The following PDZD7 variants were observed in gnomAD, a reference collection of about 807,000 sequenced individuals.
PDZD7 encodes PDZ domain-containing protein 7.
Under a neutral mutation model 84.7 loss-of-function variants are expected in PDZD7, and 72 were observed. That is an observed-to-expected ratio of 0.85 (90% CI 0.70 to 1.03). PDZD7 has a LOEUF of 1.03. Ranked by LOEUF, PDZD7 falls within the 50% of genes least tolerant of loss-of-function variation. The pLI, the probability that PDZD7 is intolerant of heterozygous loss-of-function variation, is 0.00. For synonymous variants in PDZD7, 594 were observed against 580.7 expected, an observed-to-expected ratio of 1.02 and a Z score of -0.33; for missense variants, 1,490 against 1,412.9, an observed-to-expected ratio of 1.05 and a Z score of -0.87.
chr10:101,017,460 C>T, intron 9 of PDZD7: 1 of 557,224 alleles, frequency 1.8e-6, no homozygotes, highest in Admixed American at 2.7e-5. Flanking sequence ...CTCCTGGGCT[C>T]AAGTGATCTT....
At chr10:101,024,163 C>G in intron 2 of PDZD7, 95 bp from the exon 3 acceptor site, 1 of 1,584,424 alleles carries the variant, frequency 6.3e-7, no homozygotes, top group Admixed American at 1.7e-5. Flanking sequence ...GGCTAGGTTG[C>G]TGGGCACAGT....
rs948024534 is a variant in PDZD7, at chr10:101,030,280, C to A, written c.-61G>T. ...AAGGAATCTGCTAGCTCTGGAGAGG[C>A]CAGCCCTGCGTGCTTCGAGCTCCAT... On this transcript the variant is annotated 5_prime_UTR_variant, in exon 2 of 17. Transcript: ENST00000619208. 5 of 1,443,918 alleles carry A rather than the reference C, an allele frequency of 3.5e-6. No homozygotes were observed. Among genetic ancestry groups the A allele is most frequent in the Non-Finnish European group, 4.7e-6 (5 of 1,058,758 alleles). 89.4% of individuals were successfully genotyped at this position (1,443,918 alleles called of 1,614,324 possible).
Position 101,015,625 on chromosome 10 carries a change from T to C in PDZD7, c.1749+11A>G. The C allele has an allele frequency of 1.9e-6, 3 of 1,549,638 alleles. No individual in the cohort carries two copies. The highest frequency in any genetic ancestry group is 2.6e-6 in the Non-Finnish European group (3 of 1,146,346). On this transcript the variant is annotated intron_variant, in intron 11 of 16. Transcript: ENST00000619208. ...CCGTGTGCCAGGGCTGCGGATGGGATGAAGGCTTACCCGGGAGCAGTGGCG... is the reference window on the plus strand; with the variant it reads ...CCGTGTGCCAGGGCTGCGGATGGGACGAAGGCTTACCCGGGAGCAGTGGCG...
chr10:101,008,851 C>G lies in PDZD7; in HGVS notation c.2719-1G>C, dbSNP rs1201751414. On this transcript the variant is annotated splice_acceptor_variant, in intron 16 of 16. Transcript: ENST00000619208. LOFTEE classifies it high-confidence loss of function. ...CCACTGCCACAAGCTCGAAGCCAGC[C>G]TAGGGTGGGGTGAGAGAGTCACATC... is the stretch of plus-strand genomic sequence containing the variant. 6.7e-7 allele frequency: 1 copy of G among 1,489,120 alleles called. No individual in the cohort carries two copies. The highest frequency in any genetic ancestry group is 2.5e-5 in the East Asian group (1 of 40,388). 92.2% of individuals were successfully genotyped at this position (1,489,120 alleles called of 1,614,324 possible).
intron 11 of PDZD7, 111 bp from the exon 12 acceptor site, chr10:101,012,369 C>T (rs1400239932): frequency 1.1e-5 from 10 of 925,046 alleles, no homozygotes; most frequent in Middle Eastern, 2.2e-4. Context: ...ACCTATCCAG[C>T]CCTGCGTGCC....
intron 9 of PDZD7, 120 bp downstream of exon 9, chr10:101,017,979 T>C: frequency 1.7e-6 from 2 of 1,162,978 alleles, no homozygotes; most frequent in Non-Finnish European, 2.6e-6. Context: ...ACTGAGGCTC[T>C]CAGGGGTTGA....
rs758260327 is a variant in PDZD7 at position 101,011,914 on chromosome 10, C to T, written c.1933+11G>A. The stretch of plus-strand genomic sequence containing the variant: ...GCTCAGGACCCAGAAGCCCCGCCCC[C>T]CACTGCTGACCTGCCCTGCTCTTGA... On this transcript the variant is annotated intron_variant, in intron 13 of 16. Coordinates refer to ENST00000619208, the MANE Select transcript of PDZD7 (RefSeq NM_001195263.2). 4.5e-6 allele frequency: 7 copies of T among 1,549,814 alleles called. No homozygotes were observed. The highest frequency in any genetic ancestry group is 6.1e-6 in the Non-Finnish European group (7 of 1,146,940).
chr10:101,009,179 A>G (rs1037835612), intron 16 of PDZD7, 71 bp downstream of exon 16: 4 of 1,353,710 alleles, frequency 3.0e-6, no homozygotes, highest in East Asian at 5.0e-5. Flanking sequence ...GAAGCTGAGC[A>G]TGGCCAGCCC....
intron 7 of PDZD7, 140 bp from the exon 8 acceptor site, chr10:101,019,357 C>G: frequency 9.2e-7 from 1 of 1,088,012 alleles, no homozygotes; most frequent in Non-Finnish European, 1.3e-6. Flanking sequence ...GAGGAACCCG[C>G]TGCTCCGAAA....
intron 6 of PDZD7, 96 bp downstream of exon 6, chr10:101,021,702 G>T (rs1853107794): frequency 6.4e-7 from 1 of 1,559,170 alleles, no homozygotes. Context: ...GTGGCTGTGG[G>T]AACGTCATAA....
chr10:101,020,749 GT>G, intron 6 of PDZD7, 71 bp from the exon 7 acceptor site: 1 of 1,111,180 alleles, frequency 9.0e-7, no homozygotes, highest in Non-Finnish European at 1.4e-6. Context: ...TGGGGCGGGG[GT>G]GACAGGATGG....
chr10:101,029,905 A>G, intron 2 of PDZD7, 89 bp downstream of exon 2: 2 of 1,366,646 alleles, frequency 1.5e-6, no homozygotes, highest in Non-Finnish European at 2.0e-6. Context: ...TCCCCCAATC[A>G]TACTGGCTCT....
intron 2 of PDZD7, among the ~76,000 whole-genome samples, chr10:101,026,676 C>A (rs1018572194): frequency 7.0e-6 from 1 of 142,318 alleles, no homozygotes; most frequent in African/African-American, 2.6e-5. Context: ...CACACACACA[C>A]ACACACACAC....
At chr10:101,025,354 C>T (rs1263534589) in intron 2 of PDZD7, among the ~76,000 whole-genome samples, 10 of 151,848 alleles carry the variant, frequency 6.6e-5, no homozygotes, top group African/African-American at 9.7e-5. Flanking sequence ...GGATTACAGG[C>T]GTGTGCCACC....
rs1328996490 is a variant in PDZD7 at position 101,010,434 on chromosome 10, T to C, written c.2455A>G (p.Arg819Gly). 67 of 1,535,990 alleles carry C rather than the reference T, an allele frequency of 4.4e-5. No individual in the cohort carries two copies. The highest frequency in any genetic ancestry group is 5.8e-5 in the Non-Finnish European group (66 of 1,146,904). Residue 819 changes from arginine to glycine, a missense_variant, in exon 15 of 17, where the codon AGA becomes GGA. Coordinates refer to ENST00000619208, the MANE Select transcript of PDZD7 (RefSeq NM_001195263.2). Reference sequence around the variant, plus strand: ...TCCAGAGGTCGTGGCAGAGGGGGTCTGGCCTTCCGAGGCTTGTGGTAGCGC... The same window carrying C: ...TCCAGAGGTCGTGGCAGAGGGGGTCCGGCCTTCCGAGGCTTGTGGTAGCGC... ...NGRYHKPRKA[R>G]PPLPRPLDGE...
rs894172029 is a variant in PDZD7 at position 101,012,028 on chromosome 10, C to T, written c.1842-12G>A. The T allele has an allele frequency of 3.3e-5, 51 of 1,547,906 alleles. No individual in the cohort carries two copies. Among genetic ancestry groups the T allele is most frequent in the Non-Finnish European group, 4.2e-5 (48 of 1,144,950 alleles). The stretch of plus-strand genomic sequence containing the variant: ...GGGCCACCACACTCCTGGGAGAGGG[C>T]GAGAGACAGCAGGGGTGGGAGGGGC... On this transcript the variant is annotated splice_polypyrimidine_tract_variant and intron_variant, in intron 12 of 16. Coordinates refer to ENST00000619208, the MANE Select transcript of PDZD7 (RefSeq NM_001195263.2).
chr10:101,010,354 C>T lies in PDZD7; in HGVS notation c.2535G>A (p.Glu845=). 6.5e-7 allele frequency: 1 copy of T among 1,535,596 alleles called. No homozygotes were observed. The highest frequency in any genetic ancestry group is 8.7e-7 in the Non-Finnish European group (1 of 1,146,386). ...AKQGPSESGT[E]GTAKEAAMKN... is the part of the protein sequence containing the mutation. ...TCATGGCTGCCTCCTTGGCCGTCCC[C>T]TCAGTTCCACTCTCCGAGGGCCCTT... is the stretch of plus-strand genomic sequence containing the variant. Residue 845 remains glutamate (E), a synonymous_variant, in exon 15 of 17, where the codon GAG becomes GAA. Coordinates refer to ENST00000619208, the MANE Select transcript of PDZD7 (RefSeq NM_001195263.2).
intron 3 of PDZD7, 109 bp from the exon 4 acceptor site, chr10:101,023,719 G>T: frequency 6.8e-7 from 1 of 1,468,338 alleles, no homozygotes; most frequent in Non-Finnish European, 9.4e-7. Context: ...TCAGAGTGAG[G>T]ATTGTCAGAG....
At chr10:101,026,550 G>A (rs1937713717) in intron 2 of PDZD7, among the ~76,000 whole-genome samples, 1 of 151,896 alleles carries the variant, frequency 6.6e-6, no homozygotes, top group African/African-American at 2.4e-5. Flanking sequence ...CCTTGAGGAG[G>A]CCTTCCAGTT....
Sources: allele counts gnomAD v4.1 joint callset (sites outside exome capture counted in the v4.1 genomes callset), GRCh38; gene constraint gnomAD v4.1.1; transcripts MANE v1.5; gene names NCBI Gene and HGNC (gene_info 2026-07-23, HGNC 2026-07-21).